ESRRG: variants seen among roughly 807,000 people sequenced by gnomAD.
The protein encoded by ESRRG is estrogen-related receptor gamma.
Under a neutral mutation model 44.0 loss-of-function variants are expected in ESRRG, and 13 were observed. That is an observed-to-expected ratio of 0.30 (90% CI 0.19 to 0.47). ESRRG has a LOEUF of 0.47. Ranked by LOEUF, ESRRG falls within the 20% of genes least tolerant of loss-of-function variation. The probability of loss-of-function intolerance (pLI) is 1.00; values close to 1 mark genes in which losing one functional copy is unlikely to be tolerated. For missense variants in ESRRG, 395 were observed against 580.6 expected (o/e 0.68, Z 3.29); for synonymous variants, 215 against 214.6 (o/e 1.00, Z -0.02).
intron 1 of ESRRG, among the ~76,000 whole-genome samples, chr1:216,721,910 C>T (rs1197228433): frequency 6.6e-6 from 1 of 152,120 alleles, no homozygotes; most frequent in African/African-American, 2.4e-5. Flanking sequence ...GCAAGCACAG[C>T]CTTATAATCT....
chr1:216,550,026 T>C (rs2055800206), intron 5 of ESRRG, among the ~76,000 whole-genome samples: 1 of 152,108 alleles, frequency 6.6e-6, no homozygotes, highest in African/African-American at 2.4e-5. Context: ...AAAGTTTGCT[T>C]GCCATTGTGG....
intron 1 of ESRRG, among the ~76,000 whole-genome samples, chr1:217,107,006 A>G (rs2151578347): frequency 6.6e-6 from 1 of 152,320 alleles, no homozygotes; most frequent in Admixed American, 6.5e-5. Flanking sequence ...GACAGTTTTC[A>G]TAGATCTGGA....
intron 1 of ESRRG, among the ~76,000 whole-genome samples, chr1:217,070,102 G>T (rs1451938952): frequency 6.6e-6 from 1 of 152,102 alleles, no homozygotes; most frequent in Non-Finnish European, 1.5e-5. Flanking sequence ...TGGGGCAAGG[G>T]TCCAGGAAGT....
At chr1:216,816,336 T>C (rs2095136107) in intron 2 of ESRRG, among the ~76,000 whole-genome samples, 1 of 152,230 alleles carries the variant, frequency 6.6e-6, no homozygotes, top group African/African-American at 2.4e-5. Flanking sequence ...GTAATACACA[T>C]GTTAATTAGC....
chr1:216,733,533 T>C (rs1200443466), intron 2 of ESRRG, among the ~76,000 whole-genome samples: 1 of 152,198 alleles, frequency 6.6e-6, no homozygotes, highest in Non-Finnish European at 1.5e-5. Flanking sequence ...AATGTAAATA[T>C]TTTGTTTATT....
At chr1:216,536,416 T>C (rs1357839553) in intron 5 of ESRRG, among the ~76,000 whole-genome samples, 1 of 152,172 alleles carries the variant, frequency 6.6e-6, no homozygotes, top group East Asian at 1.9e-4. Context: ...TTTTGACTTC[T>C]ATGTCTAATT....
intron 3 of ESRRG, among the ~76,000 whole-genome samples, chr1:216,636,714 T>C (rs955120275): frequency 2.0e-5 from 3 of 152,242 alleles, no homozygotes; most frequent in Non-Finnish European, 4.4e-5. Context: ...CTTTACAAGC[T>C]TGGGAACTTT....
chr1:217,098,027 T>C (rs1419172074), intron 1 of ESRRG, among the ~76,000 whole-genome samples: 1 of 152,180 alleles, frequency 6.6e-6, no homozygotes, highest in Non-Finnish European at 1.5e-5. Flanking sequence ...AATCCCCAAG[T>C]GATTCTAGTG....
At chr1:216,643,305 T>C (rs2066834710) in intron 3 of ESRRG, among the ~76,000 whole-genome samples, 2 of 152,158 alleles carry the variant, frequency 1.3e-5, no homozygotes, top group African/African-American at 4.8e-5. Context: ...ATATACTCCA[T>C]GGACTGTGTT....
intron 2 of ESRRG, among the ~76,000 whole-genome samples, chr1:216,866,795 T>C (rs1030658803): frequency 6.6e-6 from 1 of 152,116 alleles, no homozygotes; most frequent in African/African-American, 2.4e-5. Flanking sequence ...CCACGTGGCC[T>C]TTCTTACAGT....
At chr1:216,765,952 C>T (rs187473301) in intron 2 of ESRRG, among the ~76,000 whole-genome samples, 17 of 152,258 alleles carry the variant, frequency 1.1e-4, no homozygotes, top group African/African-American at 3.6e-4. Context: ...TTTCTTGCGA[C>T]TGATGTAACT....
intron 1 of ESRRG, among the ~76,000 whole-genome samples, chr1:216,991,465 C>T (rs758101634): frequency 2.5e-4 from 38 of 152,092 alleles, no homozygotes; most frequent in Admixed American, 3.3e-4. Context: ...GGGCCAAGCA[C>T]TGGATGAACA....
chr1:216,862,933 C>G (rs1308362799), intron 2 of ESRRG: 1 of 151,654 alleles, frequency 6.6e-6, no homozygotes, highest in African/African-American at 2.4e-5. Flanking sequence ...CTGGTACAAA[C>G]AAAGATAAGA....
At chr1:216,796,577 C>G (rs1318341569) in intron 2 of ESRRG, among the ~76,000 whole-genome samples, 5 of 152,106 alleles carry the variant, frequency 3.3e-5, no homozygotes, top group African/African-American at 1.2e-4. Context: ...AATACACAGT[C>G]TTCCAAATCT....
At chr1:216,971,014 G>T (rs989005051) in intron 1 of ESRRG, among the ~76,000 whole-genome samples, 2 of 152,188 alleles carry the variant, frequency 1.3e-5, no homozygotes, top group African/African-American at 2.4e-5. Flanking sequence ...GGCCCAGGGT[G>T]GGGGCAGAAC....
At chr1:216,835,587 AT>A (rs999597642) in intron 2 of ESRRG, among the ~76,000 whole-genome samples, 12 of 152,180 alleles carry the variant, frequency 7.9e-5, no homozygotes, top group Non-Finnish European at 1.5e-4. Flanking sequence ...CTCAGGCCAT[AT>A]TTAGTTCACT....
intron 3 of ESRRG, among the ~76,000 whole-genome samples, chr1:216,571,312 G>C (rs954196629): frequency 1.3e-5 from 2 of 151,844 alleles, no homozygotes; most frequent in Admixed American, 1.3e-4. Context: ...GTGTAGTTGT[G>C]GGCACCTGTA....
At chr1:217,054,030 GA>G (rs34225711) in intron 1 of ESRRG, among the ~76,000 whole-genome samples, 276 of 133,674 alleles carry the variant, frequency 2.1e-3, no homozygotes, top group Admixed American at 4.0e-3. Flanking sequence ...TTTGAGCTCT[GA>G]AAAAAAAAAA....
At chr1:216,754,582 G>A (rs2092321966) in intron 2 of ESRRG, among the ~76,000 whole-genome samples, 1 of 151,778 alleles carries the variant, frequency 6.6e-6, no homozygotes, top group Non-Finnish European at 1.5e-5. Flanking sequence ...AGCTACTGCT[G>A]TGATGATTCA....
Sources: gnomAD v4.1 joint callset for allele counts (sites outside exome capture counted in the v4.1 genomes callset) on GRCh38, gnomAD v4.1.1 for gene constraint, MANE v1.5 for transcripts, NCBI Gene and HGNC (gene_info 2026-07-23, HGNC 2026-07-21) for gene names.